Variants in TLL1 observed in about 807,000 individuals in gnomAD.
The protein encoded by TLL1 is tolloid-like protein 1.
In TLL1, 49 loss-of-function variants were observed where a neutral mutation model predicts 128.2. The observed-to-expected ratio is 0.38, with a 90% CI of 0.30 to 0.48. The LOEUF (loss-of-function observed/expected upper bound fraction) is 0.48, where lower values mean the gene tolerates loss of function less well. Ranked by LOEUF, TLL1 falls within the 20% of genes least tolerant of loss-of-function variation. The probability of loss-of-function intolerance (pLI) is 0.96; values close to 1 mark genes in which losing one functional copy is unlikely to be tolerated. For missense variants in TLL1, 1,123 were observed against 1,242.0 expected, an observed-to-expected ratio of 0.90 and a Z score of 1.44; for synonymous variants, 454 against 418.8, an observed-to-expected ratio of 1.08 and a Z score of -1.03.
intron 18 of TLL1, among the ~76,000 whole-genome samples, chr4:166,086,160 G>A (rs569671842): frequency 2.2e-4 from 34 of 152,114 alleles, no homozygotes; most frequent in African/African-American, 5.1e-4. Flanking sequence ...TTCATTCACC[G>A]TATGTATATT....
At chr4:166,038,956 G>GA (rs550827418) in intron 9 of TLL1, among the ~76,000 whole-genome samples, 2 of 152,000 alleles carry the variant, frequency 1.3e-5, no homozygotes, top group Non-Finnish European at 2.9e-5. Context: ...AGACTTTCAT[G>GA]AAAAAAATAG....
chr4:165,997,615 A>T lies in TLL1; in HGVS notation c.632+2437A>T, dbSNP rs145565156. Among the ~76,000 whole-genome samples, 1,019 of 152,316 alleles carry T rather than the reference A, an allele frequency of 6.7e-3. 8 individuals are homozygous for T. Among genetic ancestry groups the T allele is most frequent in the African/African-American group, 0.024 (987 of 41,588 alleles). ...TGAAACTACCTGTGTCTTTTAGAAC[A>T]TTAACTATTGTTTCCCACCTTATTC... On this transcript the variant is annotated intron_variant, in intron 5 of 20. Coordinates refer to ENST00000061240, the MANE Select transcript of TLL1 (RefSeq NM_012464.5).
chr4:165,899,313 T>C (rs1464319196), intron 1 of TLL1, among the ~76,000 whole-genome samples: 1 of 152,176 alleles, frequency 6.6e-6, no homozygotes, highest in Non-Finnish European at 1.5e-5. Context: ...ATTGTGATGT[T>C]AGGGTGTTGA....
intron 1 of TLL1, among the ~76,000 whole-genome samples, chr4:165,936,206 A>ATTTTTT (rs199985086): frequency 2.1e-5 from 3 of 139,600 alleles, no homozygotes; most frequent in East Asian, 2.1e-4. Flanking sequence ...ATATATATAT[A>ATTTTTT]TTTTTTTTTC....
At chr4:166,056,325 T>C (rs1740005182) in intron 13 of TLL1, among the ~76,000 whole-genome samples, 1 of 151,972 alleles carries the variant, frequency 6.6e-6, no homozygotes, top group Non-Finnish European at 1.5e-5. Flanking sequence ...CTAACTCACA[T>C]GAGGTTATTC....
intron 16 of TLL1, among the ~76,000 whole-genome samples, chr4:166,070,667 T>C (rs1285597838): frequency 6.6e-6 from 1 of 151,892 alleles, no homozygotes; most frequent in Non-Finnish European, 1.5e-5. Flanking sequence ...CTGTAACAAA[T>C]GGAGGAGTCA....
intron 17 of TLL1, among the ~76,000 whole-genome samples, chr4:166,075,765 A>T (rs75339788): frequency 0.064 from 9,744 of 152,206 alleles, 544 homozygotes; most frequent in African/African-American, 0.14. Context: ...TTAGTCACCA[A>T]ATGTACATTG....
chr4:166,076,017 C>T (rs1331462146), intron 17 of TLL1, among the ~76,000 whole-genome samples: 2 of 152,062 alleles, frequency 1.3e-5, no homozygotes, highest in Non-Finnish European at 2.9e-5. Flanking sequence ...ATATGATATA[C>T]TATTAAATCA....
intron 1 of TLL1, among the ~76,000 whole-genome samples, chr4:165,913,421 T>G (rs1732633864): frequency 6.6e-6 from 1 of 152,168 alleles, no homozygotes; most frequent in African/African-American, 2.4e-5. Flanking sequence ...GAAATACGGT[T>G]TAATTAGAAA....
At chr4:165,883,998 G>T (rs916228768) in intron 1 of TLL1, among the ~76,000 whole-genome samples, 31 of 152,166 alleles carry the variant, frequency 2.0e-4, no homozygotes, top group Non-Finnish European at 3.4e-4. Context: ...TTGCCATCTG[G>T]ATCAATTTAA....
rs1420764275 is a variant in TLL1, at chr4:166,060,193, G to A, written c.2007+5G>A. On this transcript the variant is annotated splice_donor_5th_base_variant and intron_variant, in intron 15 of 20. Coordinates refer to ENST00000061240, the MANE Select transcript of TLL1 (RefSeq NM_012464.5). The stretch of plus-strand genomic sequence containing the variant: ...TTTGAATTGGAAGGCAATGAAGTAA[G>A]TGAACAATAACTGTAATTTTTTAAA... The A allele has an allele frequency of 6.2e-7, 1 of 1,612,914 alleles. No homozygotes were observed. The highest frequency in any genetic ancestry group is 8.5e-7 in the Non-Finnish European group (1 of 1,179,578).
intron 12 of TLL1, among the ~76,000 whole-genome samples, chr4:166,051,593 C>T (rs182786435): frequency 2.6e-4 from 40 of 152,126 alleles, no homozygotes; most frequent in Middle Eastern, 3.4e-3. Flanking sequence ...TGTTATCACT[C>T]GTGTTGATGT....
chr4:165,911,010 T>C (rs549495683), intron 1 of TLL1, among the ~76,000 whole-genome samples: 1 of 152,218 alleles, frequency 6.6e-6, no homozygotes, highest in Non-Finnish European at 1.5e-5. Context: ...TCCATCACTT[T>C]GAGCATTTAT....
intron 9 of TLL1, among the ~76,000 whole-genome samples, chr4:166,031,487 C>G (rs1192242052): frequency 6.6e-6 from 1 of 150,892 alleles, no homozygotes; most frequent in Non-Finnish European, 1.5e-5. Context: ...TGTGCCTCAG[C>G]CTCTTGAGTA....
intron 3 of TLL1, 39 bp downstream of exon 3, chr4:165,992,923 G>A (rs768451909): frequency 1.3e-6 from 2 of 1,500,848 alleles, no homozygotes; most frequent in Admixed American, 3.4e-5. Context: ...TTGACTTGAT[G>A]TACAGTAAAT....
intron 12 of TLL1, among the ~76,000 whole-genome samples, chr4:166,046,399 A>G (rs1478183469): frequency 6.6e-6 from 1 of 152,184 alleles, no homozygotes; most frequent in Non-Finnish European, 1.5e-5. Flanking sequence ...AAGGTGCCTA[A>G]TAGACATCTA....
chr4:165,914,137 T>C (rs1160047707), intron 1 of TLL1, among the ~76,000 whole-genome samples: 1 of 152,214 alleles, frequency 6.6e-6, no homozygotes, highest in Non-Finnish European at 1.5e-5. Context: ...TCAGGAACGC[T>C]TACCTATTTT....
At chr4:166,072,925 C>T (rs532789368) in intron 16 of TLL1, among the ~76,000 whole-genome samples, 1 of 150,656 alleles carries the variant, frequency 6.6e-6, no homozygotes, top group South Asian at 2.1e-4. Flanking sequence ...CTCTAAGCTG[C>T]TTTGCATACA....
At chr4:165,923,375 A>G (rs1361359628) in intron 1 of TLL1, among the ~76,000 whole-genome samples, 2 of 147,044 alleles carry the variant, frequency 1.4e-5, no homozygotes, top group Non-Finnish European at 3.0e-5. Context: ...GTAATATTGT[A>G]GTAATATGAT....
Sources: gnomAD v4.1 joint callset for allele counts (sites outside exome capture counted in the v4.1 genomes callset) on GRCh38, gnomAD v4.1.1 for gene constraint, MANE v1.5 for transcripts, NCBI Gene and HGNC (gene_info 2026-07-23, HGNC 2026-07-21) for gene names.